The following DOCK3 variants were observed in gnomAD, a reference collection of about 807,000 sequenced individuals.
The protein encoded by DOCK3 is dedicator of cytokinesis 3.
DOCK3 carries 60 observed loss-of-function variants against 265.6 expected under a neutral mutation model. That is an observed-to-expected ratio of 0.23 (90% confidence interval 0.18 to 0.28). DOCK3 has a LOEUF of 0.28. Ranked by LOEUF, DOCK3 falls within the 10% of genes least tolerant of loss-of-function variation. The pLI is 1.00. For missense variants in DOCK3, 1,981 were observed against 2,594.3 expected (o/e 0.76, Z 5.14); for synonymous variants, 881 against 938.0 (o/e 0.94, Z 1.11).
At chr3:51,249,346 C>T (rs1284402786) in intron 22 of DOCK3, among the ~76,000 whole-genome samples, 14 of 138,960 alleles carry the variant, frequency 1.0e-4, no homozygotes, top group Middle Eastern at 8.0e-3. Context: ...AGGCCCCGCC[C>T]GGCCAGCCGC....
At chr3:51,282,666 A>G (rs910116876) in intron 27 of DOCK3, among the ~76,000 whole-genome samples, 5 of 88,704 alleles carry the variant, frequency 5.6e-5, no homozygotes, top group Admixed American at 1.1e-4. Flanking sequence ...AAAAAAAAAA[A>G]AAAGAAAAGA....
intron 9 of DOCK3, among the ~76,000 whole-genome samples, chr3:51,103,548 A>T (rs1223494614): frequency 1.3e-5 from 2 of 152,226 alleles, no homozygotes; most frequent in East Asian, 3.8e-4. Flanking sequence ...TACTCCCAAG[A>T]TACTTAAGCC....
chr3:51,233,739 A>T (rs1326226958), intron 19 of DOCK3, among the ~76,000 whole-genome samples: 1 of 152,056 alleles, frequency 6.6e-6, no homozygotes, highest in East Asian at 1.9e-4. Flanking sequence ...ATTCCTAGGT[A>T]TTTTTTGTGT....
chr3:50,978,507 G>C (rs547567734), intron 5 of DOCK3, among the ~76,000 whole-genome samples: 1 of 152,322 alleles, frequency 6.6e-6, no homozygotes, highest in South Asian at 2.1e-4. Context: ...CCCGTTCTCA[G>C]ATCTCCAGCT....
At chr3:51,309,177 G>A (rs550843461) in intron 27 of DOCK3, among the ~76,000 whole-genome samples, 78 of 152,254 alleles carry the variant, frequency 5.1e-4, no homozygotes, top group African/African-American at 1.9e-3. Context: ...CTTCCCAGAC[G>A]GGGTGGCGGC....
intron 12 of DOCK3, among the ~76,000 whole-genome samples, chr3:51,184,557 A>AG (rs1482425551): frequency 5.3e-5 from 8 of 151,950 alleles, no homozygotes; most frequent in Admixed American, 2.0e-4. Context: ...CCAAAAAAAA[A>AG]AAAGTTACTG....
chr3:50,847,571 C>G (rs1030404119), intron 3 of DOCK3, among the ~76,000 whole-genome samples: 2 of 152,062 alleles, frequency 1.3e-5, no homozygotes, highest in Non-Finnish European at 2.9e-5. Flanking sequence ...TGATCTAATG[C>G]TGTCAGTGGG....
In DOCK3 at chr3:50,923,175, G is replaced by A. The variant is rs567900182; in HGVS notation, c.219-10806G>A. Among the ~76,000 whole-genome samples the A allele has an allele frequency of 2.6e-5, 4 of 152,282 alleles. 1 individual carries two copies. In the South Asian group the frequency reaches 6.2e-4, roughly 24 times the overall value. On this transcript the variant is annotated intron_variant, in intron 4 of 52. Transcript: ENST00000266037. ...TCTTTATCCAGTTGTTGATTGATGG[G>A]CATGTAGCTTGGTTCCACATTTTTG...
intron 1 of DOCK3, among the ~76,000 whole-genome samples, chr3:50,754,208 A>G (rs2040017389): frequency 6.6e-6 from 1 of 151,278 alleles, no homozygotes; most frequent in Non-Finnish European, 1.5e-5. Context: ...AAAACCAAAT[A>G]CTGCGTGTTT....
intron 9 of DOCK3, among the ~76,000 whole-genome samples, chr3:51,140,125 A>C (rs144975821): frequency 4.7e-4 from 72 of 152,326 alleles, no homozygotes; most frequent in Admixed American, 2.9e-3. Flanking sequence ...CATACTATAG[A>C]GTTTACCCAT....
intron 32 of DOCK3, among the ~76,000 whole-genome samples, chr3:51,317,392 C>T (rs1294094183): frequency 1.3e-5 from 2 of 150,824 alleles, no homozygotes; most frequent in African/African-American, 4.9e-5. Context: ...TATTGCACCA[C>T]GTGGTAACTA....
chr3:51,268,430 T>C (rs2080314823), intron 23 of DOCK3, among the ~76,000 whole-genome samples: 1 of 152,192 alleles, frequency 6.6e-6, no homozygotes, highest in East Asian at 1.9e-4. Context: ...AGGGAGATAT[T>C]TTTCCTTACA....
At chr3:50,741,973 G>A (rs1211867325) in intron 1 of DOCK3, among the ~76,000 whole-genome samples, 2 of 152,110 alleles carry the variant, frequency 1.3e-5, no homozygotes, top group Non-Finnish European at 1.5e-5. Context: ...CATTCTAACT[G>A]GCGTGAGATG....
chr3:50,938,770 T>C (rs532507865), intron 5 of DOCK3, among the ~76,000 whole-genome samples: 1 of 152,070 alleles, frequency 6.6e-6, no homozygotes, highest in South Asian at 2.1e-4. Flanking sequence ...GGGAAATGTA[T>C]GCTTTAAGTC....
At position 50,922,520 on chromosome 3, in the gene DOCK3, C is replaced by T. The variant is rs749329843; in HGVS notation, c.219-11461C>T. On this transcript the variant is annotated intron_variant, in intron 4 of 52. Transcript: ENST00000266037. ...GCGCTTCCCACGTGGGGCAATGCCC[C>T]GCCCTGCTTCGTGGGCTGCACCCAC... Among the ~76,000 whole-genome samples, 5 of 152,296 alleles carry T rather than the reference C, an allele frequency of 3.3e-5. No homozygotes were observed. The East Asian group carries it at 5.8e-4, about 18-fold the overall frequency.
At chr3:51,021,818 C>T (rs985899925) in intron 5 of DOCK3, among the ~76,000 whole-genome samples, 8 of 151,990 alleles carry the variant, frequency 5.3e-5, no homozygotes, top group African/African-American at 1.2e-4. Flanking sequence ...CCCACCACCA[C>T]GCCTGGCTAA....
rs554048996 is a variant in DOCK3, at chr3:51,382,717, C to A, written c.*1158C>A. 1.3e-5 allele frequency: 2 copies of A among 152,600 alleles called. No homozygotes were observed. The highest frequency in any genetic ancestry group is 4.1e-4 in the South Asian group (2 of 4,828). 9.5% of individuals were successfully genotyped at this position (152,600 alleles called of 1,614,324 possible). ...CTCCCAAGTGGCCACATACAGCAAC[C>A]CACTCCAGGCCATGGGGACCACCAC... On this transcript the variant is annotated 3_prime_UTR_variant, in exon 53 of 53. Transcript: ENST00000266037.
intron 5 of DOCK3, among the ~76,000 whole-genome samples, chr3:51,001,359 C>T (rs940290129): frequency 6.6e-6 from 1 of 152,154 alleles, no homozygotes. Context: ...CAAATGGAAA[C>T]ATTTGGCTCT....
At position 51,374,763 on chromosome 3, in the gene DOCK3, A is replaced by G. The variant is rs1302312853; in HGVS notation, c.5412+176A>G. Among the ~76,000 whole-genome samples, 1 of 152,226 alleles carries G rather than the reference A, an allele frequency of 6.6e-6. No homozygotes were observed. The highest frequency in any genetic ancestry group is 6.5e-5 in the Admixed American group (1 of 15,284). On this transcript the variant is annotated intron_variant, in intron 50 of 52. Transcript: ENST00000266037. The surrounding 1 kb of genome is among the most constrained non-coding windows in gnomAD (Gnocchi z 4.8). ...GAGTGCAGTGAACCTGAGGACCAGC[A>G]ATCCAGACAGAGTGTAGGCGTGAGT... is the stretch of plus-strand genomic sequence containing the variant.
Sources: allele counts gnomAD v4.1 joint callset (sites outside exome capture counted in the v4.1 genomes callset), GRCh38; gene constraint gnomAD v4.1.1; non-coding constraint Gnocchi (gnomAD v3.1); transcripts MANE v1.5; gene names NCBI Gene and HGNC (gene_info 2026-07-23, HGNC 2026-07-21).